EIF4E: variants seen among roughly 807,000 people sequenced by gnomAD.
The protein encoded by EIF4E is eIF-4F 25 kDa subunit.
For missense variants in EIF4E, 113 were observed against 265.6 expected (o/e 0.43, Z 3.99); for synonymous variants, 71 against 88.5 (o/e 0.80, Z 1.11).
intron 5 of EIF4E, chr4:98,886,621 G>A: frequency 2.8e-6 from 1 of 356,308 alleles, no homozygotes; most frequent in Admixed American, 3.6e-5. Flanking sequence ...AGGCTGAAGT[G>A]GGAGGATCAC....
intron 1 of EIF4E, among the ~76,000 whole-genome samples, chr4:98,916,313 G>A (rs1351722723): frequency 6.1e-5 from 9 of 148,394 alleles, no homozygotes; most frequent in African/African-American, 2.2e-4. Flanking sequence ...GGAAGAGAAG[G>A]AGGATGGGAG....
intron 1 of EIF4E, among the ~76,000 whole-genome samples, chr4:98,903,205 C>CA (rs562421296): frequency 6.6e-6 from 1 of 151,638 alleles, no homozygotes; most frequent in Non-Finnish European, 1.5e-5. Context: ...AGACTGATAC[C>CA]AAAAAAAGGG....
chr4:98,921,033 C>T (rs1236296200), intron 1 of EIF4E, among the ~76,000 whole-genome samples: 6 of 152,004 alleles, frequency 3.9e-5, no homozygotes, highest in Admixed American at 1.3e-4. Context: ...AATAACTTGC[C>T]TTGCTAAAAA....
chr4:98,888,054 T>C (rs1723996734), intron 3 of EIF4E, 102 bp from the exon 4 acceptor site: 1 of 997,100 alleles, frequency 1.0e-6, no homozygotes, highest in East Asian at 2.7e-5. Flanking sequence ...AATAAACAGA[T>C]AAAAGTTCAT....
At chr4:98,891,511 C>T (rs927743876) in intron 2 of EIF4E, 179 bp from the exon 3 acceptor site, 4 of 621,480 alleles carry the variant, frequency 6.4e-6, no homozygotes, top group African/African-American at 3.7e-5. Context: ...TCTAACACTT[C>T]ATAAAACATG....
intron 1 of EIF4E, chr4:98,928,887 G>T: frequency 6.4e-7 from 1 of 1,551,102 alleles, no homozygotes. Flanking sequence ...CAGTTCTCGG[G>T]CCCCCACCAG....
At chr4:98,918,416 C>A (rs1725495656) in intron 1 of EIF4E, among the ~76,000 whole-genome samples, 1 of 150,672 alleles carries the variant, frequency 6.6e-6, no homozygotes, top group Non-Finnish European at 1.5e-5. Context: ...ACGTACATAC[C>A]TATTTTATAC....
At position 98,908,040 on chromosome 4, in the gene EIF4E, A is replaced by C. The variant is rs1386545225; in HGVS notation, c.19-6058T>G. ...AAATTTTAAGAACAATAGAAGATAAATCACTAACATTCATATCCCAGTAAT... is the reference window on the plus strand; with the variant it reads ...AAATTTTAAGAACAATAGAAGATAACTCACTAACATTCATATCCCAGTAAT... On this transcript the variant is annotated intron_variant, in intron 1 of 6. Coordinates refer to ENST00000450253, the MANE Select transcript of EIF4E (RefSeq NM_001968.5). 3.3e-5 allele frequency among the ~76,000 whole-genome samples: 5 copies of C among 152,196 alleles called. No individual in the cohort carries two copies. In the East Asian group the frequency reaches 9.6e-4, roughly 29 times the overall value.
intron 1 of EIF4E, 91 bp downstream of exon 1, chr4:98,929,004 G>C: frequency 1.9e-6 from 3 of 1,567,134 alleles, no homozygotes; most frequent in Admixed American, 1.9e-5. Context: ...GGTACAGTGC[G>C]CGCCGGGAAC....
intron 1 of EIF4E, among the ~76,000 whole-genome samples, chr4:98,906,651 C>T (rs35019647): frequency 0.19 from 29,040 of 152,032 alleles, 3,692 homozygotes; most frequent in Non-Finnish European, 0.28. Context: ...TCTAAGGCTG[C>T]GGTGAGCTAT....
chr4:98,893,572 A>G (rs969911296), intron 2 of EIF4E, among the ~76,000 whole-genome samples: 1 of 152,202 alleles, frequency 6.6e-6, no homozygotes, highest in Non-Finnish European at 1.5e-5. Flanking sequence ...CTGCTCACCC[A>G]TAAGAAGCAA....
intron 5 of EIF4E, among the ~76,000 whole-genome samples, chr4:98,885,397 A>C (rs1379772791): frequency 1.3e-5 from 2 of 152,130 alleles, no homozygotes; most frequent in Admixed American, 6.5e-5. Flanking sequence ...ATTCATGGTT[A>C]ATCTCCTCTT....
At chr4:98,908,923 T>C (rs755571576) in intron 1 of EIF4E, among the ~76,000 whole-genome samples, 1 of 152,226 alleles carries the variant, frequency 6.6e-6, no homozygotes, top group Non-Finnish European at 1.5e-5. Context: ...TGTTTCAGTA[T>C]AATTGTTAAC....
chr4:98,887,049 T>A lies in EIF4E; in HGVS notation c.399+30A>T. ...AGTATCAGTATTCCAAAACTACCTC[T>A]AAAACTGCTTTATACTTTTAAAACC... is the stretch of plus-strand genomic sequence containing the variant. On this transcript the variant is annotated intron_variant, in intron 5 of 6. Transcript: ENST00000450253. The surrounding 1 kb of genome is among the most constrained non-coding windows in gnomAD (Gnocchi z 4.0). 6.2e-7 allele frequency: 1 copy of A among 1,607,910 alleles called. No individual in the cohort carries two copies. Among genetic ancestry groups the A allele is most frequent in the Non-Finnish European group, 8.5e-7 (1 of 1,176,118 alleles).
intron 1 of EIF4E, among the ~76,000 whole-genome samples, chr4:98,910,371 C>T (rs1043625375): frequency 2.0e-5 from 3 of 152,156 alleles, no homozygotes; most frequent in Admixed American, 6.5e-5. Flanking sequence ...ATTCAAAAGA[C>T]AGTACTTCTT....
chr4:98,914,361 C>CAAAAAAAAAAAAAA (rs1159581783), intron 1 of EIF4E, among the ~76,000 whole-genome samples: 3 of 34,834 alleles, frequency 8.6e-5, no homozygotes, highest in African/African-American at 3.1e-4. Context: ...GACTCCGTCT[C>CAAAAAAAAAAAAAA]AAAAAAAAAA....
intron 1 of EIF4E, among the ~76,000 whole-genome samples, chr4:98,927,571 G>C (rs1271099488): frequency 7.1e-6 from 1 of 140,008 alleles, no homozygotes; most frequent in Non-Finnish European, 1.5e-5. Context: ...CAGGAGAATC[G>C]CTTGAACCCG....
chr4:98,918,555 G>A (rs562014714), intron 1 of EIF4E, among the ~76,000 whole-genome samples: 19 of 151,908 alleles, frequency 1.3e-4, no homozygotes, highest in Non-Finnish European at 1.9e-4. Flanking sequence ...TTTTCAATCC[G>A]TTGTCAAAAC....
intron 1 of EIF4E, among the ~76,000 whole-genome samples, chr4:98,922,656 C>T (rs1049883095): frequency 2.6e-5 from 4 of 151,524 alleles, no homozygotes; most frequent in Admixed American, 6.6e-5. Context: ...AAATAACGAT[C>T]TTTCTACATT....
Sources: allele counts gnomAD v4.1 joint callset (sites outside exome capture counted in the v4.1 genomes callset), GRCh38; gene constraint gnomAD v4.1.1; non-coding constraint Gnocchi (gnomAD v3.1); transcripts MANE v1.5; gene names NCBI Gene and HGNC (gene_info 2026-07-23, HGNC 2026-07-21).